CCDC73: variants seen among roughly 807,000 people sequenced by gnomAD.
CCDC73 encodes the protein coiled-coil domain-containing protein 73.
Under a neutral mutation model 116.5 loss-of-function variants are expected in CCDC73, and 95 were observed. The ratio of observed to expected loss-of-function variants is 0.82; its 90% CI spans 0.69 to 0.97. The LOEUF is 0.97. Among genes scored for constraint, CCDC73 ranks in the 50% least tolerant of loss-of-function variants. The probability of loss-of-function intolerance (pLI) is 0.00; values close to 1 mark genes in which losing one functional copy is unlikely to be tolerated. For synonymous variants in CCDC73, 398 were observed against 401.3 expected (o/e 0.99, Z 0.10); for missense variants, 1,066 against 1,206.8 (o/e 0.88, Z 1.73).
At chr11:32,804,870 C>T in the CCDC73 span, among the ~76,000 whole-genome samples, 1 of 152,164 alleles carries the variant, frequency 6.6e-6, no homozygotes, top group Admixed American at 6.5e-5. Context: ...CCACTAATGC[C>T]AAAGTATGTA....
intron 2 of CCDC73, among the ~76,000 whole-genome samples, chr11:32,718,855 G>C (rs961817371): frequency 1.3e-5 from 2 of 152,180 alleles, no homozygotes; most frequent in African/African-American, 4.8e-5. Context: ...TTCATTGTGG[G>C]AGGGGCAGGA....
intron 6 of CCDC73, among the ~76,000 whole-genome samples, chr11:32,685,378 C>T (rs902128642): frequency 6.7e-6 from 1 of 149,430 alleles, no homozygotes; most frequent in Admixed American, 6.7e-5. Context: ...TAAAGAAAAA[C>T]GATAAATCAG....
chr11:32,653,072 A>C, intron 12 of CCDC73, 51 bp downstream of exon 12: 1 of 1,104,196 alleles, frequency 9.1e-7, no homozygotes, highest in Non-Finnish European at 1.4e-6. Context: ...ATTAGTGAAA[A>C]TATACTAAAA....
chr11:32,709,593 G>C (rs1849882175), intron 3 of CCDC73, among the ~76,000 whole-genome samples: 1 of 152,164 alleles, frequency 6.6e-6, no homozygotes, highest in African/African-American at 2.4e-5. Flanking sequence ...ACCATGCACA[G>C]CCTGCTGTTG....
At chr11:32,669,908 A>G (rs1171982455) in intron 9 of CCDC73, among the ~76,000 whole-genome samples, 1 of 152,208 alleles carries the variant, frequency 6.6e-6, no homozygotes, top group Non-Finnish European at 1.5e-5. Context: ...TATTGTGAAC[A>G]GTGCTGCAAC....
chr11:32,634,092 G>A (rs576486134), intron 14 of CCDC73, among the ~76,000 whole-genome samples: 1 of 151,736 alleles, frequency 6.6e-6, no homozygotes, highest in South Asian at 2.1e-4. Context: ...TAGCTCCACT[G>A]GTGAATTAGA....
intron 9 of CCDC73, among the ~76,000 whole-genome samples, chr11:32,661,221 G>A (rs143246676): frequency 6.6e-6 from 1 of 152,242 alleles, no homozygotes; most frequent in East Asian, 1.9e-4. Flanking sequence ...TAGTTTAGGA[G>A]CATGAATTGT....
At chr11:32,823,931 G>T in the CCDC73 span, among the ~76,000 whole-genome samples, 1 of 152,026 alleles carries the variant, frequency 6.6e-6, no homozygotes, top group African/African-American at 2.4e-5. Flanking sequence ...GTCTCGTTCT[G>T]TTGCCCAGAC....
At chr11:32,795,996 C>T (rs780920854), upstream of CCDC73, among the ~76,000 whole-genome samples, 12 of 152,306 alleles carry the variant, frequency 7.9e-5, no homozygotes, top group Middle Eastern at 3.4e-3. Flanking sequence ...GGCCCCCCGC[C>T]CTCAAATTTT....
At chr11:32,749,322 C>A (rs1435149199) in intron 2 of CCDC73, among the ~76,000 whole-genome samples, 1 of 151,890 alleles carries the variant, frequency 6.6e-6, no homozygotes, top group African/African-American at 2.4e-5. Context: ...CTGATGCATT[C>A]TTCAGTATGT....
intron 1 of CCDC73, among the ~76,000 whole-genome samples, chr11:32,785,619 G>T (rs1850621094): frequency 6.6e-6 from 1 of 151,960 alleles, no homozygotes; most frequent in South Asian, 2.1e-4. Context: ...TACCCAGGCT[G>T]GTCTTGAACT....
At chr11:32,634,370 T>C (rs1855659724) in intron 14 of CCDC73, among the ~76,000 whole-genome samples, 1 of 152,180 alleles carries the variant, frequency 6.6e-6, no homozygotes. Context: ...AGTCAACTGA[T>C]GTAATTAATA....
intron 1 of CCDC73, among the ~76,000 whole-genome samples, chr11:32,768,253 A>G (rs554944176): frequency 2.4e-4 from 37 of 152,304 alleles, no homozygotes; most frequent in Admixed American, 3.9e-4. Flanking sequence ...GTTCTCACTC[A>G]TAGGTGGGAA....
At chr11:32,772,594 A>G (rs1850500675) in intron 1 of CCDC73, among the ~76,000 whole-genome samples, 1 of 152,230 alleles carries the variant, frequency 6.6e-6, no homozygotes, top group African/African-American at 2.4e-5. Context: ...TACAAGCTTC[A>G]AGTATCTCAG....
chr11:32,698,482 G>A (rs1849778583), intron 6 of CCDC73, among the ~76,000 whole-genome samples: 1 of 152,118 alleles, frequency 6.6e-6, no homozygotes, highest in Admixed American at 6.5e-5. Context: ...AATAACAGTG[G>A]ATCCATGGAA....
At chr11:32,776,936 A>AATAT (rs1169476616) in intron 1 of CCDC73, among the ~76,000 whole-genome samples, 51 of 36,462 alleles carry the variant, frequency 1.4e-3, no homozygotes, top group Middle Eastern at 0.014. Context: ...AAAAAAAAAA[A>AATAT]ATATATATAT....
chr11:32,732,285 C>T (rs183682914), intron 2 of CCDC73, among the ~76,000 whole-genome samples: 21 of 152,258 alleles, frequency 1.4e-4, no homozygotes, highest in East Asian at 9.6e-4. Context: ...ACCAAATTTA[C>T]GTCTGATTGG....
At chr11:32,636,132 T>C (rs946277017) in intron 13 of CCDC73, among the ~76,000 whole-genome samples, 8 of 152,092 alleles carry the variant, frequency 5.3e-5, no homozygotes, top group African/African-American at 1.7e-4. Context: ...GCAGTGAGGA[T>C]TTAATTCCAA....
intron 7 of CCDC73, chr11:32,682,510 T>C (rs1439414576): frequency 3.9e-5 from 6 of 151,984 alleles, no homozygotes; most frequent in Non-Finnish European, 8.8e-5. Context: ...TTTATGTTTT[T>C]CTATGTAATG....
Sources: allele counts gnomAD v4.1 joint callset (sites outside exome capture counted in the v4.1 genomes callset), GRCh38; gene constraint gnomAD v4.1.1; transcripts MANE v1.5; gene names NCBI Gene and HGNC (gene_info 2026-07-23, HGNC 2026-07-21).